The following LRMDA variants were observed in gnomAD, a reference collection of about 807,000 sequenced individuals.
The protein encoded by LRMDA is leucine rich melanocyte differentiation associated.
LRMDA carries 18 observed loss-of-function variants against 29.8 expected under a neutral mutation model. The observed-to-expected ratio is 0.60, with a 90% CI of 0.42 to 0.90. LRMDA has a LOEUF of 0.90. Among genes scored for constraint, LRMDA ranks in the 40% least tolerant of loss-of-function variants. LRMDA has a pLI of 0.00. For missense variants in LRMDA, 273 were observed against 273.9 expected (o/e 1.00, Z 0.02); for synonymous variants, 125 against 109.4 (o/e 1.14, Z -0.89).
intron 2 of LRMDA, among the ~76,000 whole-genome samples, chr10:75,485,225 T>C (rs967218086): frequency 6.6e-6 from 1 of 152,202 alleles, no homozygotes; most frequent in Admixed American, 6.5e-5. Flanking sequence ...TTCAAATATA[T>C]TGCAATAAAG....
intron 2 of LRMDA, among the ~76,000 whole-genome samples, chr10:76,021,968 G>C (rs527317035): frequency 1.3e-5 from 2 of 152,276 alleles, no homozygotes; most frequent in African/African-American, 4.8e-5. Context: ...TGGAAAAAAT[G>C]CATGATATTA....
intron 1 of LRMDA, among the ~76,000 whole-genome samples, chr10:75,435,165 G>A (rs1844250065): frequency 6.6e-6 from 1 of 152,212 alleles, no homozygotes; most frequent in Non-Finnish European, 1.5e-5. Flanking sequence ...CTAAGTCAAG[G>A]TAATTGACTA....
At chr10:75,661,793 T>A (rs572213448) in intron 2 of LRMDA, among the ~76,000 whole-genome samples, 2 of 152,132 alleles carry the variant, frequency 1.3e-5, no homozygotes, top group Non-Finnish European at 2.9e-5. Context: ...ACCCCTTTCA[T>A]TGAACTTTGT....
chr10:76,345,677 C>G (rs1353778031), intron 6 of LRMDA, among the ~76,000 whole-genome samples: 1 of 151,896 alleles, frequency 6.6e-6, no homozygotes, highest in Non-Finnish European at 1.5e-5. Context: ...GGGGAAAAGA[C>G]TTAACCTTAC....
intron 5 of LRMDA, among the ~76,000 whole-genome samples, chr10:76,167,273 T>C (rs1375887163): frequency 6.6e-6 from 1 of 152,172 alleles, no homozygotes. Context: ...GTTTACTCTG[T>C]TGATAGTTTC....
chr10:76,413,498 GACTT>G (rs1225539308), intron 6 of LRMDA, among the ~76,000 whole-genome samples: 6 of 152,050 alleles, frequency 3.9e-5, no homozygotes, highest in African/African-American at 1.4e-4. Flanking sequence ...GATCCCCTGA[GACTT>G]ACTCACTACC....
chr10:75,550,186 G>A (rs1048644813), intron 2 of LRMDA, among the ~76,000 whole-genome samples: 4 of 152,118 alleles, frequency 2.6e-5, no homozygotes, highest in Non-Finnish European at 5.9e-5. Context: ...GGTTGGAATC[G>A]TCTATAGATG....
intron 2 of LRMDA, among the ~76,000 whole-genome samples, chr10:75,674,242 C>T (rs569225421): frequency 6.6e-6 from 1 of 152,256 alleles, no homozygotes; most frequent in African/African-American, 2.4e-5. Flanking sequence ...TTAGAGGTGT[C>T]TTTAGTTCTG....
chr10:75,726,331 A>G (rs147689074), intron 2 of LRMDA, among the ~76,000 whole-genome samples: 1 of 152,322 alleles, frequency 6.6e-6, no homozygotes, highest in East Asian at 1.9e-4. Context: ...AGGACAAGCT[A>G]GAGTGTTCAT....
intron 2 of LRMDA, among the ~76,000 whole-genome samples, chr10:75,982,169 A>C (rs886556299): frequency 6.6e-6 from 1 of 152,152 alleles, no homozygotes; most frequent in Non-Finnish European, 1.5e-5. Flanking sequence ...TTTTTACTTT[A>C]TTGAAGACTC....
At chr10:76,309,238 C>T (rs962558371) in intron 5 of LRMDA, among the ~76,000 whole-genome samples, 1 of 152,092 alleles carries the variant, frequency 6.6e-6, no homozygotes, top group Non-Finnish European at 1.5e-5. Flanking sequence ...GGATGAAAAC[C>T]TCTGATGCTG....
At chr10:75,438,843 C>A (rs1213806276) in intron 2 of LRMDA, among the ~76,000 whole-genome samples, 1 of 152,180 alleles carries the variant, frequency 6.6e-6, no homozygotes, top group East Asian at 1.9e-4. Flanking sequence ...TGAGATGAAG[C>A]CTGCAAGAGT....
chr10:75,775,929 CCT>C (rs567635491), intron 2 of LRMDA, among the ~76,000 whole-genome samples: 67 of 152,196 alleles, frequency 4.4e-4, no homozygotes, highest in African/African-American at 1.5e-3. Context: ...AGAGCACACT[CCT>C]CTGTTTGCCT....
intron 5 of LRMDA, among the ~76,000 whole-genome samples, chr10:76,253,515 GA>G (rs1487420599): frequency 9.3e-5 from 14 of 150,250 alleles, no homozygotes; most frequent in African/African-American, 3.0e-4. Context: ...GTGGAGAAGA[GA>G]GGGGGAGAGA....
intron 2 of LRMDA, among the ~76,000 whole-genome samples, chr10:75,855,282 T>C (rs1844805995): frequency 6.6e-6 from 1 of 152,130 alleles, no homozygotes. Flanking sequence ...AGATGGTATC[T>C]CATTGTGGTT....
At chr10:75,560,243 T>C (rs1210561376) in intron 2 of LRMDA, among the ~76,000 whole-genome samples, 2 of 152,034 alleles carry the variant, frequency 1.3e-5, no homozygotes, top group Non-Finnish European at 2.9e-5. Context: ...TGAAGAGGTC[T>C]TTCACGTCCC....
intron 2 of LRMDA, among the ~76,000 whole-genome samples, chr10:75,928,288 T>TG (rs1266713086): frequency 0.077 from 41 of 534 alleles, 1 homozygote; most frequent in African/African-American, 0.32. Context: ...TAGTTTTGGG[T>TG]TTTTTTTTTT....
At chr10:76,344,686 C>G (rs1841081090) in intron 6 of LRMDA, among the ~76,000 whole-genome samples, 2 of 151,914 alleles carry the variant, frequency 1.3e-5, no homozygotes, top group Admixed American at 6.6e-5. Flanking sequence ...TGGCACAGGA[C>G]TCCCCAGAAT....
intron 6 of LRMDA, among the ~76,000 whole-genome samples, chr10:76,416,646 T>C (rs1842017985): frequency 6.6e-6 from 1 of 152,208 alleles, no homozygotes; most frequent in South Asian, 2.1e-4. Context: ...AATTTTGACA[T>C]GTAACTTCTA....
Sources: gnomAD v4.1 joint callset for allele counts (sites outside exome capture counted in the v4.1 genomes callset) on GRCh38, gnomAD v4.1.1 for gene constraint, MANE v1.5 for transcripts, NCBI Gene and HGNC (gene_info 2026-07-23, HGNC 2026-07-21) for gene names.